SHTN1: variants seen among roughly 807,000 people sequenced by gnomAD.
The protein encoded by SHTN1 is shootin-1.
Under a neutral mutation model 83.1 loss-of-function variants are expected in SHTN1, and 42 were observed. The observed-to-expected ratio is 0.51, with a 90% CI of 0.39 to 0.65. The LOEUF is 0.65. SHTN1 is among the 30% of genes least tolerant of loss of function. The probability of loss-of-function intolerance (pLI) is 0.00; values close to 1 mark genes in which losing one functional copy is unlikely to be tolerated. For missense variants in SHTN1, 622 were observed against 737.8 expected, an observed-to-expected ratio of 0.84 and a Z score of 1.82; for synonymous variants, 224 against 247.7, an observed-to-expected ratio of 0.90 and a Z score of 0.90.
intron 1 of SHTN1, among the ~76,000 whole-genome samples, chr10:117,001,695 AC>A (rs1036671223): frequency 8.5e-5 from 13 of 152,212 alleles, no homozygotes; most frequent in African/African-American, 3.1e-4. Context: ...ACTACAGTTA[AC>A]AACAATGTAT....
At chr10:117,063,501 C>G (rs2133596976) in intron 1 of SHTN1, among the ~76,000 whole-genome samples, 1 of 152,242 alleles carries the variant, frequency 6.6e-6, no homozygotes, top group South Asian at 2.1e-4. Context: ...GCTCTCTCAG[C>G]CACCTAGTAC....
In SHTN1 at chr10:116,944,991, T is replaced by C; in HGVS notation, c.644A>G (p.Glu215Gly). Reference protein sequence around the residue: ...RVSMLAVEEYEEMQVNLELEK... With the variant: ...RVSMLAVEEYGEMQVNLELEK... ...CAGCTCCAGGTTTACTTGCATCTCC[T>C]CATACTCTTCTACAGCTAACATGGA... is the stretch of plus-strand genomic sequence containing the variant. Residue 215 changes from glutamate to glycine, a missense_variant, in exon 8 of 17, where the codon GAG (glutamate) becomes GGG (glycine). Glu to Gly is a moderately conservative substitution (Grantham distance 98). Transcript: ENST00000355371. 6.2e-7 allele frequency: 1 copy of C among 1,608,588 alleles called. No homozygotes were observed. The highest frequency in any genetic ancestry group is 8.5e-7 in the Non-Finnish European group (1 of 1,175,296).
Position 117,084,412 on chromosome 10 carries a change from C to T in SHTN1, c.-188-35902G>A, listed in dbSNP as rs568402408. 3.8e-3 allele frequency among the ~76,000 whole-genome samples: 572 copies of T among 152,304 alleles called. 4 individuals carry two copies. The highest frequency in any genetic ancestry group is 0.013 in the African/African-American group (540 of 41,554). Reference sequence around the variant, plus strand: ...CTGACTGTTCTCAGATCTCCAGCTGCGTACTGGGAGAACCACTGCTCTCTT... The same window carrying T: ...CTGACTGTTCTCAGATCTCCAGCTGTGTACTGGGAGAACCACTGCTCTCTT... On this transcript the variant is annotated intron_variant, in intron 1 of 17. Coordinates refer to the SHTN1 transcript ENST00000392901.
chr10:116,967,262 A>G (rs770938616), intron 3 of SHTN1, among the ~76,000 whole-genome samples: 3 of 152,190 alleles, frequency 2.0e-5, no homozygotes, highest in Non-Finnish European at 4.4e-5. Context: ...ATGCTGTCTT[A>G]GGGGATAAAT....
chr10:116,933,777 C>G (rs1238781003), intron 9 of SHTN1, among the ~76,000 whole-genome samples: 2 of 152,186 alleles, frequency 1.3e-5, no homozygotes, highest in Non-Finnish European at 2.9e-5. Flanking sequence ...AATTTATACA[C>G]CCACCAACAG....
chr10:117,018,779 G>C (rs996043229), intron 2 of SHTN1, among the ~76,000 whole-genome samples: 1 of 151,944 alleles, frequency 6.6e-6, no homozygotes, highest in Non-Finnish European at 1.5e-5. Context: ...CACCATGTTG[G>C]CCAGGCTGGT....
At chr10:116,895,622 T>C (rs1019899906) in intron 16 of SHTN1, among the ~76,000 whole-genome samples, 1 of 152,150 alleles carries the variant, frequency 6.6e-6, no homozygotes, top group African/African-American at 2.4e-5. Context: ...TTAGGGTCAA[T>C]GAAGCAACTT....
chr10:117,126,498 C>G (rs1224413742), exon 1 of SHTN1: 1 of 166,754 alleles, frequency 6.0e-6, no homozygotes, highest in African/African-American at 2.7e-5. Context: ...CGCCTCCTAG[C>G]ACGCATGCCC....
chr10:116,917,397 C>T (rs553416233), intron 12 of SHTN1, among the ~76,000 whole-genome samples: 8 of 152,254 alleles, frequency 5.3e-5, no homozygotes, highest in East Asian at 1.9e-4. Context: ...CTCCACCTCC[C>T]GGGTTCAAGC....
Position 116,927,824 on chromosome 10 carries a change from TGGTGGAGGAGGA to T in SHTN1, c.1068_1079del (p.Pro358_Pro361del), listed in dbSNP as rs1564880915. ...GATTGGGAGGTGGAGGGGGAAGTGG[TGGTGGAGGAGGA>T]GGTGGTGGAGGTACTGAATTCTCAG... is the stretch of plus-strand genomic sequence containing the variant. On this transcript the variant is annotated inframe_deletion, in exon 11 of 17. Coordinates refer to ENST00000355371, the MANE Select transcript of SHTN1 (RefSeq NM_001127211.3). 1.3e-6 allele frequency: 2 copies of T among 1,598,788 alleles called. No individual in the cohort carries two copies.
chr10:116,969,554 AAAG>A (rs1027153816), intron 2 of SHTN1, among the ~76,000 whole-genome samples: 1 of 152,216 alleles, frequency 6.6e-6, no homozygotes, highest in Non-Finnish European at 1.5e-5. Flanking sequence ...TACCAAATTA[AAAG>A]AAGAGAAGAT....
intron 1 of SHTN1, among the ~76,000 whole-genome samples, chr10:116,979,644 T>G (rs1850943575): frequency 1.3e-5 from 2 of 152,168 alleles, no homozygotes; most frequent in Non-Finnish European, 2.9e-5. Flanking sequence ...AAACTAAATT[T>G]CAGTTCTCCC....
intron 8 of SHTN1, among the ~76,000 whole-genome samples, chr10:116,943,473 C>T (rs1176107601): frequency 6.6e-6 from 1 of 152,200 alleles, no homozygotes; most frequent in Non-Finnish European, 1.5e-5. Context: ...CCTCCCCCTC[C>T]ACTGTTTATT....
intron 7 of SHTN1, among the ~76,000 whole-genome samples, chr10:116,948,061 AAG>A (rs1286233944): frequency 6.6e-6 from 1 of 152,220 alleles, no homozygotes; most frequent in Non-Finnish European, 1.5e-5. Flanking sequence ...TAAACAAGGA[AAG>A]AGAGTGACTG....
intron 15 of SHTN1, among the ~76,000 whole-genome samples, chr10:116,903,027 C>A (rs1385268250): frequency 6.6e-6 from 1 of 152,162 alleles, no homozygotes; most frequent in Non-Finnish European, 1.5e-5. Context: ...AAATGAAGGT[C>A]TAATTTGAAA....
chr10:117,012,212 C>G (rs1564930490), intron 2 of SHTN1, among the ~76,000 whole-genome samples: 7 of 150,646 alleles, frequency 4.6e-5, no homozygotes. Flanking sequence ...CAAATTTAAC[C>G]TATAGATCCA....
At chr10:117,104,015 C>A (rs964494085) in intron 1 of SHTN1, among the ~76,000 whole-genome samples, 1 of 152,110 alleles carries the variant, frequency 6.6e-6, no homozygotes, top group Non-Finnish European at 1.5e-5. Context: ...CTTTTCTCAA[C>A]CTTATGAAGT....
At chr10:117,051,457 G>T (rs761960294) in intron 1 of SHTN1, among the ~76,000 whole-genome samples, 2 of 152,034 alleles carry the variant, frequency 1.3e-5, no homozygotes, top group African/African-American at 2.4e-5. Context: ...CAAAGACAAT[G>T]CAAGAAAAGA....
intron 2 of SHTN1, among the ~76,000 whole-genome samples, chr10:116,969,113 C>T (rs1850505167): frequency 6.6e-6 from 1 of 152,164 alleles, no homozygotes; most frequent in Admixed American, 6.5e-5. Context: ...AACATTGGTG[C>T]ATACCTGGGA....
Sources: allele counts gnomAD v4.1 joint callset (sites outside exome capture counted in the v4.1 genomes callset), GRCh38; gene constraint gnomAD v4.1.1; transcripts MANE v1.5; gene names NCBI Gene and HGNC (gene_info 2026-07-23, HGNC 2026-07-21).